RNF150: variants seen among roughly 807,000 people sequenced by gnomAD.
The protein encoded by RNF150 is ring finger protein 150.
Under a neutral mutation model 39.3 loss-of-function variants are expected in RNF150, and 24 were observed. The ratio of observed to expected loss-of-function variants is 0.61; its 90% CI spans 0.44 to 0.86. The LOEUF is 0.86. Ranked by LOEUF, RNF150 falls within the 40% of genes least tolerant of loss-of-function variation. The probability of loss-of-function intolerance (pLI) is 0.00; values close to 1 mark genes in which losing one functional copy is unlikely to be tolerated. For missense variants in RNF150, 502 were observed against 587.8 expected (o/e 0.85, Z 1.51); for synonymous variants, 255 against 227.3 (o/e 1.12, Z -1.10).
intron 1 of RNF150, among the ~76,000 whole-genome samples, chr4:141,030,192 TAA>T (rs879912770): frequency 1.6e-5 from 2 of 123,408 alleles, no homozygotes; most frequent in Non-Finnish European, 1.7e-5. Context: ...AGACTCCGTC[TAA>T]AAAAAAAAAA....
chr4:141,174,041 T>A lies in RNF150; in HGVS notation c.-6+38753A>T, dbSNP rs190006833. On this transcript the variant is annotated intron_variant, in intron 1 of 7. Coordinates refer to the RNF150 transcript ENST00000420921. ...AGAGGAATCATATTTTGGAGATGTT[T>A]CTGTGGTAAATTCTAGTTGACTTCA... is the stretch of plus-strand genomic sequence containing the variant. Among the ~76,000 whole-genome samples, 57 of 152,356 alleles carry A rather than the reference T, an allele frequency of 3.7e-4. 1 individual carries two copies. Among genetic ancestry groups the A allele is most frequent in the Admixed American group, 3.5e-3 (53 of 15,306 alleles).
At chr4:141,057,367 TAGAAAGCTATCAGCAAAA>T in intron 1 of RNF150, among the ~76,000 whole-genome samples, 1 of 152,190 alleles carries the variant, frequency 6.6e-6, no homozygotes, top group South Asian at 2.1e-4. Context: ...AGGTATGATT[TAGAAAGCTATCAGCAAAA>T]AGGTTCATGG....
rs1486260365 is a variant in RNF150, at chr4:140,997,170, T to G, written c.485-29297A>C. 3.9e-5 allele frequency: 6 copies of G among 152,302 alleles called. 1 individual carries two copies. The East Asian group carries it at 5.8e-4, about 15-fold the overall frequency. 9.4% of individuals were successfully genotyped at this position (152,302 alleles called of 1,614,324 possible). On this transcript the variant is annotated intron_variant, in intron 1 of 6. Transcript: ENST00000515673. ...GTGTATATACACATATGTGAAATAA[T>G]GTATACAGGTGATTACTGCAGCCCA... is the stretch of plus-strand genomic sequence containing the variant.
chr4:141,162,237 G>T (rs1727526507), intron 1 of RNF150, among the ~76,000 whole-genome samples: 1 of 152,222 alleles, frequency 6.6e-6, no homozygotes, highest in South Asian at 2.1e-4. Context: ...GTGAGATATG[G>T]AGTCAAAGGA....
intron 1 of RNF150, among the ~76,000 whole-genome samples, chr4:141,177,875 C>T (rs1727839858): frequency 6.6e-6 from 1 of 151,838 alleles, no homozygotes; most frequent in Admixed American, 6.6e-5. Flanking sequence ...TTCAATTTAC[C>T]ATAAAGAATC....
In RNF150 at chr4:141,113,417, A is replaced by G. The variant is rs140332314; in HGVS notation, c.484+18908T>C. Among the ~76,000 whole-genome samples, 1,191 of 152,256 alleles carry G rather than the reference A, an allele frequency of 7.8e-3. 12 individuals carry two copies. Among genetic ancestry groups the G allele is most frequent in the African/African-American group, 0.027 (1,110 of 41,530 alleles). On this transcript the variant is annotated intron_variant, in intron 1 of 6. Transcript: ENST00000515673. ...TAAACCAACAAAGATCAAAAAAGAC[A>G]AAGAAGGGCATTACATAACGGTAAA...
At chr4:141,069,583 T>A (rs1737609477) in intron 1 of RNF150, among the ~76,000 whole-genome samples, 1 of 150,310 alleles carries the variant, frequency 6.7e-6, no homozygotes, top group African/African-American at 2.5e-5. Flanking sequence ...ATAAAATGAG[T>A]TAGGGAGGAT....
In RNF150 at chr4:140,989,353, G is replaced by C. The variant is rs148818181; in HGVS notation, c.485-21480C>G. 3.3e-3 allele frequency among the ~76,000 whole-genome samples: 508 copies of C among 152,210 alleles called. 4 individuals are homozygous for C. Among genetic ancestry groups the C allele is most frequent in the African/African-American group, 0.011 (466 of 41,542 alleles). ...CCGATGTTAAGCCGATCACCAAAGA[G>C]ATGTCAGATGTAGACAGTGCTGTGA... On this transcript the variant is annotated intron_variant, in intron 1 of 6. Transcript: ENST00000515673.
chr4:141,104,996 T>C (rs1254561829), intron 1 of RNF150, among the ~76,000 whole-genome samples: 1 of 152,200 alleles, frequency 6.6e-6, no homozygotes, highest in Non-Finnish European at 1.5e-5. Flanking sequence ...CATCCAAATA[T>C]TAACATAGTG....
intron 1 of RNF150, among the ~76,000 whole-genome samples, chr4:141,111,196 C>T (rs1739374946): frequency 6.6e-6 from 1 of 152,184 alleles, no homozygotes. Context: ...TCACATAGAA[C>T]AGCTAAGTGA....
rs199906225 is a variant in RNF150 at position 140,967,742 on chromosome 4, G to A, written c.616C>T (p.Arg206Cys). ...ATGGAGACAAACACAACCGAAGTGC[G>A]GCTCACATATTTCTGCAAGTTCCGG... ...GTRNLQKYVS[R>C]TSVVFVSISF... The change falls in exon 2 of 7, where the codon CGC (arginine) becomes TGC (cysteine). Residue 206 changes from arginine (R) to cysteine (C), a missense_variant. Physicochemically the swap from Arg to Cys is radical, Grantham distance 180 (BLOSUM62 -3). Transcript: ENST00000515673. 2.5e-6 allele frequency: 4 copies of A among 1,613,550 alleles called. No homozygotes were observed. Among genetic ancestry groups the A allele is most frequent in the East Asian group, 2.2e-5 (1 of 44,860 alleles).
chr4:140,996,039 T>G (rs373515594), intron 1 of RNF150, among the ~76,000 whole-genome samples: 1 of 152,188 alleles, frequency 6.6e-6, no homozygotes, highest in African/African-American at 2.4e-5. Flanking sequence ...TTTTAGTTTT[T>G]TGAGGACCCG....
chr4:141,127,839 T>C (rs1377331023), intron 1 of RNF150, among the ~76,000 whole-genome samples: 2 of 152,050 alleles, frequency 1.3e-5, no homozygotes, highest in African/African-American at 4.8e-5. Context: ...ACACACTCTT[T>C]AAAAAAGAAA....
chr4:141,169,792 A>C (rs1727667994), intron 1 of RNF150, among the ~76,000 whole-genome samples: 1 of 151,764 alleles, frequency 6.6e-6, no homozygotes, highest in Admixed American at 6.6e-5. Flanking sequence ...TATGAGGTTA[A>C]TTATAGTTCT....
At chr4:140,998,406 TG>T (rs1734462561) in intron 1 of RNF150, among the ~76,000 whole-genome samples, 1 of 152,202 alleles carries the variant, frequency 6.6e-6, no homozygotes, top group South Asian at 2.1e-4. Flanking sequence ...GAGGCCACAG[TG>T]GGAAAGTGGT....
intron 1 of RNF150, among the ~76,000 whole-genome samples, chr4:141,191,885 C>T (rs1728114740): frequency 6.7e-6 from 1 of 149,258 alleles, no homozygotes; most frequent in Non-Finnish European, 1.5e-5. Flanking sequence ...ATTTCTTACT[C>T]AGCTTGGTTG....
At chr4:141,141,315 G>C in intron 1 of RNF150, among the ~76,000 whole-genome samples, 1 of 152,178 alleles carries the variant, frequency 6.6e-6, no homozygotes, top group East Asian at 1.9e-4. Flanking sequence ...TGGACTTAGT[G>C]ATTCTGTTAA....
intron 1 of RNF150, among the ~76,000 whole-genome samples, chr4:141,070,147 A>G (rs957594466): frequency 6.6e-5 from 10 of 152,182 alleles, no homozygotes; most frequent in African/African-American, 2.4e-4. Context: ...TCCCTATTTA[A>G]TAAATGGTGC....
At chr4:141,044,758 G>A (rs1472208923) in intron 1 of RNF150, among the ~76,000 whole-genome samples, 2 of 136,764 alleles carry the variant, frequency 1.5e-5, no homozygotes, top group African/African-American at 5.9e-5. Context: ...GCTCATGCAT[G>A]CGGGTGTGCA....
Sources: allele counts gnomAD v4.1 joint callset (sites outside exome capture counted in the v4.1 genomes callset), GRCh38; gene constraint gnomAD v4.1.1; transcripts MANE v1.5; gene names NCBI Gene and HGNC (gene_info 2026-07-23, HGNC 2026-07-21).